The following SERPINB2 variants were observed in gnomAD, a reference collection of about 807,000 sequenced individuals.
SERPINB2 encodes the protein serpin family B member 2, also known as plasminogen activator inhibitor 2.
SERPINB2 carries 28 observed loss-of-function variants against 39.4 expected under a neutral mutation model. The observed-to-expected ratio is 0.71, with a 90% CI of 0.53 to 0.97. The LOEUF (loss-of-function observed/expected upper bound fraction) is 0.97, where lower values mean the gene tolerates loss of function less well. SERPINB2 is among the 50% of genes least tolerant of loss of function. The pLI is 0.00. For missense variants in SERPINB2, 557 were observed against 505.3 expected (o/e 1.10, Z -0.98); for synonymous variants, 209 against 175.1 (o/e 1.19, Z -1.53).
intron 1 of SERPINB2, chr18:63,890,439 A>G (rs1261739177): frequency 6.6e-6 from 1 of 152,170 alleles, no homozygotes; most frequent in Non-Finnish European, 1.5e-5. Flanking sequence ...ATATTTACAT[A>G]TTTTGATAAT....
chr18:63,897,355 G>T (rs2278178), intron 4 of SERPINB2, 136 bp downstream of exon 4: 4 of 999,906 alleles, frequency 4.0e-6, no homozygotes, highest in South Asian at 3.5e-5. Context: ...CTGGCCTTGC[G>T]TAACAGCTGC....
chr18:63,896,505 A>G (rs1032238148), intron 3 of SERPINB2, among the ~76,000 whole-genome samples: 1 of 152,204 alleles, frequency 6.6e-6, no homozygotes, highest in Non-Finnish European at 1.5e-5. Context: ...ACAAATAAAA[A>G]TTGTACATGT....
intron 5 of SERPINB2, among the ~76,000 whole-genome samples, chr18:63,900,424 G>A (rs1342414558): frequency 1.3e-5 from 2 of 152,172 alleles, no homozygotes; most frequent in Non-Finnish European, 2.9e-5. Context: ...ATTCAAGGGT[G>A]AGCTGGAGGT....
Position 63,903,294 on chromosome 18 carries a change from T to C in SERPINB2, c.1237T>C (p.Ser413Pro), listed in dbSNP as rs757897855. 6.5e-7 allele frequency: 1 copy of C among 1,530,518 alleles called. No homozygotes were observed. Among genetic ancestry groups the C allele is most frequent in the Non-Finnish European group, 8.8e-7 (1 of 1,139,496 alleles). 94.8% of individuals were successfully genotyped at this position (1,530,518 alleles called of 1,614,324 possible). A position where few individuals can be genotyped will look rare whatever the true frequency, so the allele number is the denominator to read the frequency against. Reference sequence around the variant, plus strand: ...CTGCATTTTATTTTTCGGCAGATTTTCCTCACCCTAAAACTAAGCGTGCTG... The same window carrying C: ...CTGCATTTTATTTTTCGGCAGATTTCCCTCACCCTAAAACTAAGCGTGCTG... Reference protein sequence around the residue: ...TNCILFFGRFSSP With the variant: ...TNCILFFGRFPSP The change falls in exon 8 of 8, where the codon TCC becomes CCC. Residue 413 changes from serine (S) to proline (P), a missense_variant. Ser to Pro is a moderately conservative substitution (Grantham distance 74). Coordinates refer to ENST00000299502, the MANE Select transcript of SERPINB2 (RefSeq NM_002575.3).
Position 63,897,979 on chromosome 18 carries a change from T to C in SERPINB2, c.535+135T>C, listed in dbSNP as rs2049971437. ...TGCAGTTACTTTGGTGGATGTGAAT[T>C]TATTCCTGATTAGCTCAGTGGTGTT... On this transcript the variant is annotated intron_variant, in intron 5 of 7. Coordinates refer to ENST00000299502, the MANE Select transcript of SERPINB2 (RefSeq NM_002575.3). The C allele has an allele frequency of 6.3e-6, 4 of 638,756 alleles. No homozygotes were observed. The Admixed American group carries it at 8.8e-5, about 14-fold the overall frequency. The allele number at this position is 638,756 out of a possible 1,614,324, so 39.6% of individuals were successfully genotyped here. A position where few individuals can be genotyped will look rare whatever the true frequency, so the allele number is the denominator to read the frequency against.
chr18:63,902,376 T>C, intron 6 of SERPINB2, 28 bp from the exon 7 acceptor site: 1 of 1,523,034 alleles, frequency 6.6e-7, no homozygotes. Context: ...ATAATCGACT[T>C]CCATATTTTA....
rs932049299 is a variant in SERPINB2 at position 63,893,025 on chromosome 18, C to T, written c.168+1413C>T. Among the ~76,000 whole-genome samples, 16 of 152,102 alleles carry T rather than the reference C, an allele frequency of 1.1e-4. No homozygotes were observed. The East Asian group carries it at 2.7e-3, about 26-fold the overall frequency. ...TTGGCTCACTACAACCTCCAACTCC[C>T]AGGTTCAAGCCATTCTCCTGCCTCA... On this transcript the variant is annotated intron_variant, in intron 2 of 7. Coordinates refer to ENST00000299502, the MANE Select transcript of SERPINB2 (RefSeq NM_002575.3).
At chr18:63,897,261 G>A in intron 4 of SERPINB2, 42 bp downstream of exon 4, 1 of 1,592,068 alleles carries the variant, frequency 6.3e-7, no homozygotes, top group Non-Finnish European at 8.6e-7. Flanking sequence ...TCCCAAACAA[G>A]TAATGAAGTC....
Position 63,891,483 on chromosome 18 carries a change from C to G in SERPINB2, c.39C>G (p.Leu13=). The G allele has an allele frequency of 6.2e-7, 1 of 1,614,146 alleles. No homozygotes were observed. Among genetic ancestry groups the G allele is most frequent in the South Asian group, 1.1e-5 (1 of 91,076 alleles). Reference sequence around the variant, plus strand: ...GTGTGGCAAACACACTCTTTGCCCTCAATTTATTCAAGCATCTGGCAAAAG... The same window carrying G: ...GTGTGGCAAACACACTCTTTGCCCTGAATTTATTCAAGCATCTGGCAAAAG... ...DLCVANTLFA[L]NLFKHLAKAS... Residue 13 remains leucine (L), a synonymous_variant, in exon 2 of 8, where the codon CTC becomes CTG. Coordinates refer to ENST00000299502, the MANE Select transcript of SERPINB2 (RefSeq NM_002575.3).
chr18:63,896,965 C>T, intron 3 of SERPINB2, 126 bp from the exon 4 acceptor site: 1 of 771,034 alleles, frequency 1.3e-6, no homozygotes, highest in Non-Finnish European at 1.9e-6. Context: ...CTCTAATGTA[C>T]CAAAAATAAA....
chr18:63,903,374 A>AG lies in SERPINB2; in HGVS notation c.*69_*70insG. 1.4e-6 allele frequency: 2 copies of AG among 1,416,066 alleles called. No homozygotes were observed. Among genetic ancestry groups the AG allele is most frequent in the Non-Finnish European group, 1.9e-6 (2 of 1,074,262 alleles). 87.7% of individuals were successfully genotyped at this position (1,416,066 alleles called of 1,614,324 possible). A position where few individuals can be genotyped will look rare whatever the true frequency, so the allele number is the denominator to read the frequency against. ...GTGTGCCTCAGAATTGCTATTTCAAATTGCCAAAAATTTAGAGATGTTTTC... is the reference window on the plus strand; with the variant it reads ...GTGTGCCTCAGAATTGCTATTTCAAAGTTGCCAAAAATTTAGAGATGTTTTC... On this transcript the variant is annotated 3_prime_UTR_variant, in exon 8 of 8. Coordinates refer to ENST00000299502, the MANE Select transcript of SERPINB2 (RefSeq NM_002575.3).
intron 2 of SERPINB2, among the ~76,000 whole-genome samples, chr18:63,892,201 G>A (rs964412213): frequency 6.6e-6 from 1 of 152,114 alleles, no homozygotes; most frequent in Non-Finnish European, 1.5e-5. Context: ...ATGCCTGTGA[G>A]GTCACGGTAG....
In SERPINB2 at chr18:63,897,135, C is replaced by T. The variant is rs1343323959; in HGVS notation, c.333C>T (p.Ser111=). 5.6e-6 allele frequency: 9 copies of T among 1,613,396 alleles called. No individual in the cohort carries two copies. Among genetic ancestry groups the T allele is most frequent in the Non-Finnish European group, 7.6e-6 (9 of 1,179,588 alleles). Residue 111 remains serine, a synonymous_variant, in exon 4 of 8, where the codon AGC becomes AGT. Transcript: ENST00000299502. ...TCCATTCATCCTTCCGCTCTCTCAG[C>T]TCTGCAATCAATGCATCCACAGGGA... ...DKIHSSFRSL[S]SAINASTGNY... is the part of the protein sequence containing the mutation.
At chr18:63,889,972 C>G (rs2049915523) in intron 1 of SERPINB2, 1 of 151,832 alleles carries the variant, frequency 6.6e-6, no homozygotes, top group East Asian at 1.9e-4. Context: ...TGCTCCACTA[C>G]CTACCAGCTG....
intron 3 of SERPINB2, 82 bp downstream of exon 3, chr18:63,895,465 A>G: frequency 6.4e-7 from 1 of 1,558,348 alleles, no homozygotes; most frequent in Non-Finnish European, 8.8e-7. Context: ...TCAGACTGGG[A>G]AGGAAGCGAA....
rs1323065424 is a variant in SERPINB2 at position 63,891,622 on chromosome 18, A to G, written c.168+10A>G. On this transcript the variant is annotated intron_variant, in intron 2 of 7. Coordinates refer to ENST00000299502, the MANE Select transcript of SERPINB2 (RefSeq NM_002575.3). ...AGACCAGATGGCCAAGGTGAGTTTG[A>G]GCTGAAGCTCCACATTTGGGCCGAG... The G allele has an allele frequency of 1.2e-6, 2 of 1,609,788 alleles. No homozygotes were observed. The highest frequency in any genetic ancestry group is 1.7e-6 in the Non-Finnish European group (2 of 1,177,098).
intron 2 of SERPINB2, among the ~76,000 whole-genome samples, chr18:63,892,183 A>C (rs776426774): frequency 6.6e-6 from 1 of 152,000 alleles, no homozygotes; most frequent in African/African-American, 2.4e-5. Flanking sequence ...TTGTAGCTGC[A>C]GAAGATCATG....
intron 5 of SERPINB2, among the ~76,000 whole-genome samples, chr18:63,898,688 A>G (rs1459765382): frequency 6.6e-6 from 1 of 152,204 alleles, no homozygotes; most frequent in Non-Finnish European, 1.5e-5. Flanking sequence ...TGAGAAGTAC[A>G]GGTGCTATGT....
intron 2 of SERPINB2, among the ~76,000 whole-genome samples, chr18:63,892,967 C>T (rs1278352024): frequency 6.6e-6 from 1 of 152,040 alleles, no homozygotes; most frequent in Non-Finnish European, 1.5e-5. Context: ...GAGTCTCGCC[C>T]TATCACCCAG....
Sources: gnomAD v4.1 joint callset for allele counts (sites outside exome capture counted in the v4.1 genomes callset) on GRCh38, gnomAD v4.1.1 for gene constraint, MANE v1.5 for transcripts, NCBI Gene and HGNC (gene_info 2026-07-23, HGNC 2026-07-21) for gene names.